The following STIM2 variants were observed in gnomAD, a reference collection of about 807,000 sequenced individuals.
STIM2 encodes the protein stromal interaction molecule 2.
STIM2 carries 31 observed loss-of-function variants against 85.8 expected under a neutral mutation model. That is an observed-to-expected ratio of 0.36 (90% CI 0.27 to 0.49). The LOEUF (loss-of-function observed/expected upper bound fraction) is 0.49, where lower values mean the gene tolerates loss of function less well. STIM2 is among the 20% of genes least tolerant of loss of function. The probability of loss-of-function intolerance (pLI) is 0.98; values close to 1 mark genes in which losing one functional copy is unlikely to be tolerated. For missense variants in STIM2, 841 were observed against 927.6 expected (o/e 0.91, Z 1.21); for synonymous variants, 356 against 331.1 (o/e 1.08, Z -0.82).
chr4:26,986,065 T>C (rs957626404), intron 3 of STIM2, among the ~76,000 whole-genome samples: 1 of 152,220 alleles, frequency 6.6e-6, no homozygotes, highest in Non-Finnish European at 1.5e-5. Context: ...GGCGTAGTTC[T>C]AAATCCTGTT....
chr4:26,982,481 T>C (rs979324219), intron 3 of STIM2, among the ~76,000 whole-genome samples: 9 of 152,202 alleles, frequency 5.9e-5, no homozygotes, highest in Non-Finnish European at 1.2e-4. Flanking sequence ...TCTATATCCT[T>C]CTGTATCCTC....
At chr4:26,920,873 T>C (rs536511520) in intron 2 of STIM2, among the ~76,000 whole-genome samples, 31 of 152,350 alleles carry the variant, frequency 2.0e-4, no homozygotes, top group African/African-American at 7.0e-4. Context: ...GTTGCACCTC[T>C]GGACCTATTT....
At chr4:27,006,057 C>T (rs921508910) in intron 7 of STIM2, among the ~76,000 whole-genome samples, 4 of 152,228 alleles carry the variant, frequency 2.6e-5, no homozygotes, top group African/African-American at 4.8e-5. Flanking sequence ...TTAGCAGGGA[C>T]GCCACACAGC....
Position 26,939,930 on chromosome 4 carries a change from C to G in STIM2, c.283-17682C>G, listed in dbSNP as rs561198308. On this transcript the variant is annotated intron_variant, in intron 2 of 11. Coordinates refer to ENST00000467087, the MANE Select transcript of STIM2 (RefSeq NM_020860.4). ...TATGTATATACCACAAGGCATGTTA[C>G]GGCAAACGATGTCCTAGTAATACAC... Among the ~76,000 whole-genome samples, 13 of 152,262 alleles carry G rather than the reference C, an allele frequency of 8.5e-5. No individual in the cohort carries two copies. The South Asian group carries it at 1.7e-3, about 19-fold the overall frequency.
At chr4:26,911,909 C>G (rs1724356741) in intron 1 of STIM2, among the ~76,000 whole-genome samples, 1 of 151,986 alleles carries the variant, frequency 6.6e-6, no homozygotes, top group Admixed American at 6.6e-5. Context: ...ATGCTAGATA[C>G]TGGAAATATA....
intron 3 of STIM2, among the ~76,000 whole-genome samples, chr4:26,963,554 A>C (rs1024327688): frequency 1.3e-5 from 2 of 152,228 alleles, no homozygotes; most frequent in African/African-American, 2.4e-5. Flanking sequence ...TTAGTAGAAA[A>C]TAAGGAAGTA....
At chr4:26,972,302 C>T (rs990233369) in intron 3 of STIM2, among the ~76,000 whole-genome samples, 4 of 152,150 alleles carry the variant, frequency 2.6e-5, no homozygotes, top group Non-Finnish European at 5.9e-5. Context: ...TGAGAGAGGG[C>T]GTCCTTGTCT....
Position 26,884,157 on chromosome 4 carries a change from C to T in STIM2, c.151+22788C>T, listed in dbSNP as rs150203032. On this transcript the variant is annotated intron_variant, in intron 1 of 11. Transcript: ENST00000467087. ...GAGTTACAGGCAATCATCTGTATAA[C>T]GAACCAGTTCCTGCAAACAGTCCTG... Among the ~76,000 whole-genome samples, 607 of 152,254 alleles carry T rather than the reference C, an allele frequency of 4.0e-3. 1 individual carries two copies. The highest frequency in any genetic ancestry group is 7.1e-3 in the Non-Finnish European group (482 of 68,018).
At chr4:26,881,732 C>G (rs997254007) in intron 1 of STIM2, 1 of 152,110 alleles carries the variant, frequency 6.6e-6, no homozygotes, top group Non-Finnish European at 1.5e-5. Context: ...TTTAAAAATC[C>G]AACGTATCCT....
chr4:26,935,712 G>A (rs1725368007), intron 2 of STIM2, among the ~76,000 whole-genome samples: 1 of 152,196 alleles, frequency 6.6e-6, no homozygotes, highest in Admixed American at 6.5e-5. Context: ...GACTCTGATA[G>A]TAGCCAGAAG....
intron 1 of STIM2, chr4:26,873,772 G>T: frequency 4.6e-6 from 4 of 861,416 alleles, no homozygotes; most frequent in Non-Finnish European, 7.8e-6. Flanking sequence ...CTCACTGGGA[G>T]AGCAGAGGGG....
At chr4:26,947,492 G>A (rs996253983) in intron 2 of STIM2, among the ~76,000 whole-genome samples, 4 of 152,108 alleles carry the variant, frequency 2.6e-5, no homozygotes, top group Admixed American at 6.6e-5. Flanking sequence ...GAAATTGGCC[G>A]GGCCAGGGCT....
intron 1 of STIM2, among the ~76,000 whole-genome samples, chr4:26,900,024 G>A (rs1304995950): frequency 3.9e-5 from 6 of 152,112 alleles, no homozygotes; most frequent in Middle Eastern, 3.2e-3. Context: ...AGGATAAACC[G>A]AGAAGTCTTT....
At chr4:26,921,965 AATTT>A (rs1206977995) in intron 2 of STIM2, among the ~76,000 whole-genome samples, 2 of 152,204 alleles carry the variant, frequency 1.3e-5, no homozygotes, top group Non-Finnish European at 2.9e-5. Context: ...AAAGTAGATC[AATTT>A]ATTTATTTCT....
chr4:26,868,248 C>T (rs970950468), intron 1 of STIM2, among the ~76,000 whole-genome samples: 1 of 152,234 alleles, frequency 6.6e-6, no homozygotes, highest in East Asian at 1.9e-4. Flanking sequence ...ACATTCATCT[C>T]AGAGCCCAAG....
chr4:27,015,365 GTTTC>G (rs1433983791), intron 10 of STIM2, among the ~76,000 whole-genome samples: 1 of 151,686 alleles, frequency 6.6e-6, no homozygotes, highest in African/African-American at 2.4e-5. Flanking sequence ...TGTTTTTGTT[GTTTC>G]TTTCAGTCAT....
At chr4:27,003,807 A>G (rs1207657368) in intron 7 of STIM2, among the ~76,000 whole-genome samples, 2 of 152,018 alleles carry the variant, frequency 1.3e-5, no homozygotes, top group African/African-American at 4.8e-5. Context: ...GTAGGGGAGG[A>G]CGTGTTTCCT....
At position 26,892,195 on chromosome 4, in the gene STIM2, C is replaced by T. The variant is rs572012981; in HGVS notation, c.152-27309C>T. ...CCAGTCTTGGGTATATCTTTATCAG[C>T]AGCGTGAAAATGAACGAATACATCA... On this transcript the variant is annotated intron_variant, in intron 1 of 11. Transcript: ENST00000467087. Among the ~76,000 whole-genome samples the T allele has an allele frequency of 2.4e-4, 36 of 152,332 alleles. 1 individual carries two copies. In the South Asian group the frequency reaches 7.5e-3, roughly 32 times the overall value.
intron 2 of STIM2, among the ~76,000 whole-genome samples, chr4:26,927,793 AATATAATGTAATT>A (rs1464331830): frequency 4.8e-5 from 7 of 146,010 alleles, no homozygotes; most frequent in African/African-American, 1.7e-4. Context: ...AAAATATATA[AATATAATGTAATT>A]ATAAAATCTA....
Sources: allele counts gnomAD v4.1 joint callset (sites outside exome capture counted in the v4.1 genomes callset), GRCh38; gene constraint gnomAD v4.1.1; transcripts MANE v1.5; gene names NCBI Gene and HGNC (gene_info 2026-07-23, HGNC 2026-07-21).